The following PWWP2A variants were observed in gnomAD, a reference collection of about 807,000 sequenced individuals.
PWWP2A encodes PWWP domain-containing protein 2A.
A neutral mutation model predicts 48.5 loss-of-function variants in PWWP2A; 18 were observed. The ratio of observed to expected loss-of-function variants is 0.37; its 90% CI spans 0.26 to 0.55. The LOEUF (loss-of-function observed/expected upper bound fraction) is 0.55. Ranked by LOEUF, PWWP2A falls within the 20% of genes least tolerant of loss-of-function variation. PWWP2A has a pLI of 0.81. For synonymous variants in PWWP2A, 396 were observed against 387.7 expected, an observed-to-expected ratio of 1.02 and a Z score of -0.25; for missense variants, 867 against 976.4, an observed-to-expected ratio of 0.89 and a Z score of 1.49.
chr5:160,046,524 T>G, the PWWP2A span, among the ~76,000 whole-genome samples: 2 of 152,222 alleles, frequency 1.3e-5, no homozygotes, highest in African/African-American at 4.8e-5. Flanking sequence ...CTAAGTGATC[T>G]CATTCAGTTC....
chr5:160,053,291 T>A, the PWWP2A span, among the ~76,000 whole-genome samples: 25 of 152,314 alleles, frequency 1.6e-4, no homozygotes, highest in African/African-American at 5.1e-4. Flanking sequence ...AGTTAAAAAT[T>A]TTTTAAATTG....
At chr5:160,065,579 A>G (rs1753583559) in intron 4 of PWWP2A, 1 of 348,710 alleles carries the variant, frequency 2.9e-6, no homozygotes, top group Non-Finnish European at 5.7e-6. Context: ...TCACGTAACG[A>G]CAACTAAGGC....
intron 1 of PWWP2A, among the ~76,000 whole-genome samples, chr5:160,094,467 A>T (rs74499191): frequency 6.6e-6 from 1 of 152,350 alleles, no homozygotes. Context: ...TCCTCTGGTT[A>T]TAACAGCTTT....
Position 160,092,766 on chromosome 5 carries a change from C to A in PWWP2A, c.1884G>T (p.Lys628Asn). 6.4e-7 allele frequency: 1 copy of A among 1,551,574 alleles called. No homozygotes were observed. The highest frequency in any genetic ancestry group is 8.7e-7 in the Non-Finnish European group (1 of 1,146,960). ...STSSSSKEEK[K>N]LSNSLKMKVF... ...CTTTCATTTTCAAGGAATTACTGAG[C>A]TTTTTCTCTTCCTTTGAAGAGGAGG... is the stretch of plus-strand genomic sequence containing the variant. The change falls in exon 2 of 2, where the codon AAG becomes AAT. Residue 628 changes from lysine (K) to asparagine (N), a missense_variant. Physicochemically the swap from Lys to Asn is moderately conservative, Grantham distance 94. Coordinates refer to ENST00000307063, the MANE Select transcript of PWWP2A (RefSeq NM_001130864.2).
chr5:160,084,852 T>C (rs776622145), intron 2 of PWWP2A, among the ~76,000 whole-genome samples: 2 of 151,954 alleles, frequency 1.3e-5, no homozygotes, highest in Non-Finnish European at 2.9e-5. Flanking sequence ...TTACAAAAAA[T>C]TTTTCCACAG....
At chr5:160,095,117 A>C (rs973643681) in intron 1 of PWWP2A, among the ~76,000 whole-genome samples, 26 of 151,272 alleles carry the variant, frequency 1.7e-4, no homozygotes, top group Admixed American at 4.6e-4. Flanking sequence ...TATATACATA[A>C]ATACACACAC....
chr5:160,074,285 A>C (rs1438981904), downstream of PWWP2A, among the ~76,000 whole-genome samples: 1 of 151,418 alleles, frequency 6.6e-6, no homozygotes, highest in Non-Finnish European at 1.5e-5. Flanking sequence ...CTAAAAATAC[A>C]AAATTAGCTG....
intron 1 of PWWP2A, among the ~76,000 whole-genome samples, chr5:160,100,634 T>C (rs1448787799): frequency 1.3e-5 from 2 of 152,034 alleles, no homozygotes; most frequent in African/African-American, 2.4e-5. Flanking sequence ...AACAATAATA[T>C]CCAGATTCAT....
intron 5 of PWWP2A, chr5:160,062,156 C>G (rs1449774319): frequency 1.3e-5 from 2 of 152,232 alleles, no homozygotes; most frequent in Non-Finnish European, 2.9e-5. Context: ...GCTAAAAGTT[C>G]AAAGGTGGCT....
chr5:160,095,807 G>A (rs533466867), intron 1 of PWWP2A, among the ~76,000 whole-genome samples: 24 of 148,300 alleles, frequency 1.6e-4, no homozygotes, highest in African/African-American at 4.2e-4. Flanking sequence ...CAATCCTCCC[G>A]TCTCAGCCTC....
At chr5:160,106,248 G>A (rs925294663) in intron 1 of PWWP2A, among the ~76,000 whole-genome samples, 2 of 152,126 alleles carry the variant, frequency 1.3e-5, no homozygotes, top group African/African-American at 4.8e-5. Context: ...ATTCAAAAAG[G>A]CATCTTGAAT....
rs562551551 is a variant in PWWP2A, at chr5:160,118,849, G to A, written c.540C>T (p.Phe180=). 5.7e-6 allele frequency: 9 copies of A among 1,586,704 alleles called. No individual in the cohort carries two copies. Among genetic ancestry groups the A allele is most frequent in the African/African-American group, 1.4e-5 (1 of 72,306 alleles). ...IEDALVVSFR[F]GEKLFSGVLM... is the part of the protein sequence containing the mutation. ...GGACCCCGGAGAAGAGCTTCTCCCC[G>A]AAGCGGAACGACACGACAAGCGCGT... Residue 180 remains phenylalanine (F), a synonymous_variant, in exon 1 of 2, where the codon TTC becomes TTT. Transcript: ENST00000307063.
At chr5:160,103,380 A>G (rs1320055931) in intron 1 of PWWP2A, among the ~76,000 whole-genome samples, 2 of 152,198 alleles carry the variant, frequency 1.3e-5, no homozygotes, top group South Asian at 2.1e-4. Context: ...GCATAAGTCT[A>G]TATGAAACAC....
At chr5:160,086,802 G>A (rs73311137), downstream of PWWP2A, among the ~76,000 whole-genome samples, 1 of 152,142 alleles carries the variant, frequency 6.6e-6, no homozygotes, top group Non-Finnish European at 1.5e-5. Context: ...TTTGTCAATT[G>A]TGAATATGGA....
At chr5:160,055,500 C>T in the PWWP2A span, among the ~76,000 whole-genome samples, 6 of 152,230 alleles carry the variant, frequency 3.9e-5, no homozygotes, top group Non-Finnish European at 8.8e-5. Flanking sequence ...AGCAAGTTAA[C>T]CTTTTGGAGC....
chr5:160,102,007 G>C (rs1404942977), intron 1 of PWWP2A, among the ~76,000 whole-genome samples: 1 of 151,388 alleles, frequency 6.6e-6, no homozygotes, highest in African/African-American at 2.4e-5. Flanking sequence ...CTACTTGGGA[G>C]ACTGAGGCAG....
Position 160,084,249 on chromosome 5 carries a change from T to C in PWWP2A, c.1550-3479A>G, listed in dbSNP as rs536389750. ...ATACTATTATTCTCCTTATTTCACA[T>C]GTGATGATATTGGGAGTAACCTGCC... On this transcript the variant is annotated intron_variant, in intron 2 of 3. Transcript: ENST00000456329. Among the ~76,000 whole-genome samples, 181 of 152,312 alleles carry C rather than the reference T, an allele frequency of 1.2e-3. No individual in the cohort carries two copies. The Middle Eastern group carries it at 0.017, about 14-fold the overall frequency.
Position 160,092,329 on chromosome 5 carries a change from A to T in PWWP2A, c.*53T>A. Reference sequence around the variant, plus strand: ...TTTTGTAGAAATTATTCCTAACTAGACTAGAAAATCTGTGGTGACTTCCAA... The same window carrying T: ...TTTTGTAGAAATTATTCCTAACTAGTCTAGAAAATCTGTGGTGACTTCCAA... On this transcript the variant is annotated 3_prime_UTR_variant, in exon 2 of 2. Transcript: ENST00000307063. 1.4e-6 allele frequency: 2 copies of T among 1,473,550 alleles called. No homozygotes were observed. Among genetic ancestry groups the T allele is most frequent in the Non-Finnish European group, 1.8e-6 (2 of 1,112,060 alleles). 91.3% of individuals were successfully genotyped at this position (1,473,550 alleles called of 1,614,324 possible). A position where few individuals can be genotyped will look rare whatever the true frequency, so the allele number is the denominator to read the frequency against.
At position 160,093,030 on chromosome 5, in the gene PWWP2A, T is replaced by G. The variant is rs771156941; in HGVS notation, c.1620A>C (p.Thr540=). 1.6e-5 allele frequency: 26 copies of G among 1,602,068 alleles called. No homozygotes were observed. The highest frequency in any genetic ancestry group is 2.0e-5 in the Non-Finnish European group (24 of 1,174,246). ...PEEASSEVQD[T]NEVHVPGDQD... The stretch of plus-strand genomic sequence containing the variant: ...GATCACCAGGCACATGCACTTCATT[T>G]GTGTCCTGAACCTCACTGCTGGCCT... Residue 540 remains threonine, a synonymous_variant, in exon 2 of 2, where the codon ACA becomes ACC. Coordinates refer to ENST00000307063, the MANE Select transcript of PWWP2A (RefSeq NM_001130864.2). The surrounding 1 kb of genome is among the most constrained non-coding windows in gnomAD (Gnocchi z 5.8).
Sources: allele counts gnomAD v4.1 joint callset (sites outside exome capture counted in the v4.1 genomes callset), GRCh38; gene constraint gnomAD v4.1.1; non-coding constraint Gnocchi (gnomAD v3.1); transcripts MANE v1.5; gene names NCBI Gene and HGNC (gene_info 2026-07-23, HGNC 2026-07-21).